The following RNF34 variants were observed in gnomAD, a reference collection of about 807,000 sequenced individuals.
The protein encoded by RNF34 is ring finger protein 34, also known as E3 ubiquitin-protein ligase RNF34.
A neutral mutation model predicts 37.9 loss-of-function variants in RNF34; 12 were observed. The observed-to-expected ratio is 0.32, with a 90% confidence interval of 0.20 to 0.51. The LOEUF (loss-of-function observed/expected upper bound fraction) is 0.51. Among genes scored for constraint, RNF34 ranks in the 20% least tolerant of loss-of-function variants. The probability of loss-of-function intolerance (pLI) is 0.97; values close to 1 mark genes in which losing one functional copy is unlikely to be tolerated. For missense variants in RNF34, 362 were observed against 472.7 expected, an observed-to-expected ratio of 0.77 and a Z score of 2.17; for synonymous variants, 155 against 177.2, an observed-to-expected ratio of 0.87 and a Z score of 1.00.
rs1555282169 is a variant in RNF34 at position 121,416,184 on chromosome 12, C to T, written c.32C>T (p.Ser11Leu). The change falls in exon 2 of 6, where the codon TCG becomes TTG. Residue 11 changes from serine (S) to leucine (L), a missense_variant. Physicochemically the swap from Ser to Leu is moderately radical, Grantham distance 145. Coordinates refer to ENST00000361234, the MANE Select transcript of RNF34 (RefSeq NM_025126.4). MKAGATSMWA[S>L]CCGLLNEVMG... The stretch of plus-strand genomic sequence containing the variant: ...GCGGGTGCCACGTCTATGTGGGCTT[C>T]GTGCTGTGGGCTGCTGAATGAAGTC... 1.2e-6 allele frequency: 2 copies of T among 1,614,102 alleles called. No homozygotes were observed. Among genetic ancestry groups the T allele is most frequent in the Admixed American group, 1.7e-5 (1 of 60,000 alleles).
intron 1 of RNF34, chr12:121,402,762 A>T: frequency 6.2e-7 from 1 of 1,607,180 alleles, no homozygotes; most frequent in South Asian, 1.1e-5. Flanking sequence ...GGTACTAAGG[A>T]TCAAGTATAC....
Position 121,423,286 on chromosome 12 carries a change from G to T in RNF34, c.929-100G>T. The T allele has an allele frequency of 1.2e-6, 1 of 861,342 alleles. No homozygotes were observed. The highest frequency in any genetic ancestry group is 1.7e-5 in the South Asian group (1 of 58,930). 53.4% of individuals were successfully genotyped at this position (861,342 alleles called of 1,614,324 possible). A position where few individuals can be genotyped will look rare whatever the true frequency, so the allele number is the denominator to read the frequency against. On this transcript the variant is annotated intron_variant, in intron 5 of 5. Coordinates refer to ENST00000361234, the MANE Select transcript of RNF34 (RefSeq NM_025126.4). This position sits in a 1 kb window ranked among gnomAD's most constrained non-coding sequence, Gnocchi z 4.3. ...ACACTGGGGTGGCATTGGGCCTGCA[G>T]GGGTCATTCAGCAGGTGGCTGCTCA...
intron 1 of RNF34, among the ~76,000 whole-genome samples, chr12:121,412,540 G>T (rs1282610964): frequency 1.3e-5 from 2 of 151,562 alleles, no homozygotes; most frequent in Non-Finnish European, 2.9e-5. Context: ...ACCACGCCTG[G>T]CCTAATTTTT....
intron 5 of RNF34, among the ~76,000 whole-genome samples, chr12:121,421,413 TGTG>T (rs1400959229): frequency 7.7e-6 from 1 of 129,362 alleles, no homozygotes. Context: ...AAAAACCTGG[TGTG>T]GTGGCACCAG....
chr12:121,400,254 C>G, intron 1 of RNF34, 36 bp downstream of exon 1: 15 of 1,603,940 alleles, frequency 9.4e-6, no homozygotes, highest in Non-Finnish European at 1.3e-5. Flanking sequence ...ACCCTCCTCG[C>G]CAATCCTATC....
intron 1 of RNF34, among the ~76,000 whole-genome samples, chr12:121,405,908 C>G (rs543435955): frequency 1.3e-5 from 2 of 152,024 alleles, no homozygotes; most frequent in African/African-American, 4.8e-5. Flanking sequence ...ATTCTCCTGC[C>G]TCAGCCTCCT....
chr12:121,417,430 A>G lies in RNF34; in HGVS notation c.226-74A>G, dbSNP rs1871676013. On this transcript the variant is annotated intron_variant, in intron 2 of 5. Coordinates refer to ENST00000361234, the MANE Select transcript of RNF34 (RefSeq NM_025126.4). This position sits in a 1 kb window ranked among gnomAD's most constrained non-coding sequence, Gnocchi z 5.0. ...CTAAGAACTAAAATTAAATTTTAGT[A>G]GAAGGCAGAAAGAAAACTCATGCTT... 7.6e-7 allele frequency: 1 copy of G among 1,321,340 alleles called. No homozygotes were observed. The highest frequency in any genetic ancestry group is 1.0e-6 in the Non-Finnish European group (1 of 959,648). 81.9% of individuals were successfully genotyped at this position (1,321,340 alleles called of 1,614,324 possible). A position where few individuals can be genotyped will look rare whatever the true frequency, so the allele number is the denominator to read the frequency against.
chr12:121,403,167 C>T (rs1870160617), intron 1 of RNF34, among the ~76,000 whole-genome samples: 1 of 152,146 alleles, frequency 6.6e-6, no homozygotes, highest in Non-Finnish European at 1.5e-5. Context: ...GAGGCCGAGG[C>T]AGGCAGATCA....
At chr12:121,411,625 ACTT>A (rs1871073236) in intron 1 of RNF34, among the ~76,000 whole-genome samples, 1 of 152,210 alleles carries the variant, frequency 6.6e-6, no homozygotes, top group Non-Finnish European at 1.5e-5. Context: ...CATATTTTGA[ACTT>A]TCTAAATAGC....
chr12:121,415,373 C>T (rs1871464377), intron 1 of RNF34: 2 of 308,938 alleles, frequency 6.5e-6, no homozygotes, highest in Non-Finnish European at 1.4e-5. Context: ...GTAATCTGAG[C>T]ACTTCAGGAG....
intron 1 of RNF34, chr12:121,402,723 C>G: frequency 2.0e-6 from 3 of 1,505,040 alleles, no homozygotes. Flanking sequence ...ATTCCTTTTC[C>G]TTTTTTTTTC....
At chr12:121,419,578 G>GTA (rs1555282893) in intron 3 of RNF34, among the ~76,000 whole-genome samples, 15 of 151,964 alleles carry the variant, frequency 9.9e-5, no homozygotes, top group African/African-American at 3.6e-4. Context: ...CTGGCAATCA[G>GTA]GGTGGAATAT....
intron 1 of RNF34, among the ~76,000 whole-genome samples, chr12:121,403,083 T>G (rs1405244998): frequency 6.6e-6 from 1 of 152,106 alleles, no homozygotes; most frequent in Non-Finnish European, 1.5e-5. Context: ...AAGGAGCATA[T>G]GTTTCTCAAA....
chr12:121,414,619 A>T (rs1428806693), intron 1 of RNF34, among the ~76,000 whole-genome samples: 1 of 152,244 alleles, frequency 6.6e-6, no homozygotes, highest in African/African-American at 2.4e-5. Context: ...CTCATTAAAA[A>T]TTATGTTTAG....
At position 121,417,890 on chromosome 12, in the gene RNF34, C is replaced by T. The variant is rs781901877; in HGVS notation, c.612C>T (p.Ser204=). ...AGCTTATGGATGGAGACCAAACATC[C>T]AGATCTGGAGTGCCGGCACAGGTAC... is the stretch of plus-strand genomic sequence containing the variant. ...QGELMDGDQT[S]RSGVPAQVQS... The change falls in exon 3 of 6, where the codon TCC becomes TCT. Residue 204 remains serine, a synonymous_variant. Coordinates refer to ENST00000361234, the MANE Select transcript of RNF34 (RefSeq NM_025126.4). The surrounding 1 kb of genome is among the most constrained non-coding windows in gnomAD (Gnocchi z 5.0). 6.2e-7 allele frequency: 1 copy of T among 1,614,010 alleles called. No individual in the cohort carries two copies. The highest frequency in any genetic ancestry group is 1.1e-5 in the South Asian group (1 of 91,066).
rs782745947 is a variant in RNF34, at chr12:121,417,951, C to T, written c.633+40C>T. 2 of 1,590,788 alleles carry T rather than the reference C, an allele frequency of 1.3e-6. No individual in the cohort carries two copies. Among genetic ancestry groups the T allele is most frequent in the African/African-American group, 2.7e-5 (2 of 73,858 alleles). Reference sequence around the variant, plus strand: ...CTAATTACACCCAGGGCCCGGCACGCTTATTCTTGGCCGTATATGGTGGGG... The same window carrying T: ...CTAATTACACCCAGGGCCCGGCACGTTTATTCTTGGCCGTATATGGTGGGG... On this transcript the variant is annotated intron_variant, in intron 3 of 5. Transcript: ENST00000361234. The surrounding 1 kb of genome is among the most constrained non-coding windows in gnomAD (Gnocchi z 5.0).
At chr12:121,407,304 C>T (rs1423264972) in intron 1 of RNF34, among the ~76,000 whole-genome samples, 7 of 152,022 alleles carry the variant, frequency 4.6e-5, no homozygotes, top group Admixed American at 4.6e-4. Flanking sequence ...GGTTTTTTTC[C>T]CCCAATGAAC....
At chr12:121,413,444 C>G (rs1555281650) in intron 1 of RNF34, among the ~76,000 whole-genome samples, 1 of 136,380 alleles carries the variant, frequency 7.3e-6, no homozygotes, top group African/African-American at 3.0e-5. Flanking sequence ...CGGAGTTTTG[C>G]TCTTTTGCCC....
rs112773484 is a variant in RNF34 at position 121,416,261 on chromosome 12, G to A, written c.109G>A (p.Gly37Ser). The change falls in exon 2 of 6, where the codon GGT becomes AGT. Residue 37 changes from glycine to serine, a missense_variant. Coordinates refer to ENST00000361234, the MANE Select transcript of RNF34 (RefSeq NM_025126.4). ...GCAGTCAGCATTTGCAGGAGCCACC[G>A]GTCCATTCAGATTTACACCAAACCC... is the stretch of plus-strand genomic sequence containing the variant. Reference protein sequence around the residue: ...GQQSAFAGATGPFRFTPNPEF... With the variant: ...GQQSAFAGATSPFRFTPNPEF... The A allele has an allele frequency of 6.8e-5, 109 of 1,614,002 alleles. No homozygotes were observed. In the African/African-American group the frequency reaches 9.5e-4, roughly 14 times the overall value.
Sources: gnomAD v4.1 joint callset for allele counts (sites outside exome capture counted in the v4.1 genomes callset) on GRCh38, gnomAD v4.1.1 for gene constraint, Gnocchi (gnomAD v3.1) non-coding constraint, MANE v1.5 for transcripts, NCBI Gene and HGNC (gene_info 2026-07-23, HGNC 2026-07-21) for gene names.